Variants in MAN2A1 observed in about 807,000 individuals in gnomAD.
MAN2A1 encodes the protein alpha-mannosidase 2.
In MAN2A1, 76 loss-of-function variants were observed where a neutral mutation model predicts 142.6. The observed-to-expected ratio is 0.53, with a 90% CI of 0.44 to 0.65. The LOEUF (loss-of-function observed/expected upper bound fraction) is 0.65. Ranked by LOEUF, MAN2A1 falls within the 30% of genes least tolerant of loss-of-function variation. The pLI, the probability that MAN2A1 is intolerant of heterozygous loss-of-function variation, is 0.00. For synonymous variants in MAN2A1, 559 were observed against 473.2 expected (o/e 1.18, Z -2.35); for missense variants, 1,311 against 1,365.1 (o/e 0.96, Z 0.62).
chr5:109,721,423 A>G (rs1751599678), intron 3 of MAN2A1, among the ~76,000 whole-genome samples: 1 of 152,178 alleles, frequency 6.6e-6, no homozygotes, highest in South Asian at 2.1e-4. Context: ...TGAATTTTCA[A>G]TAACAATGAA....
At chr5:109,781,278 T>C in intron 8 of MAN2A1, 118 bp from the exon 9 acceptor site, 1 of 591,412 alleles carries the variant, frequency 1.7e-6, no homozygotes. Flanking sequence ...CTGAGCTATG[T>C]ATTCATCTTA....
chr5:109,765,886 C>T (rs56069320), intron 5 of MAN2A1, among the ~76,000 whole-genome samples: 15,201 of 152,014 alleles, frequency 0.1, 1,021 homozygotes, highest in African/African-American at 0.2. Flanking sequence ...TGCTTTATGA[C>T]GCAAGAATAT....
At chr5:109,816,006 A>T (rs1313171440) in intron 12 of MAN2A1, among the ~76,000 whole-genome samples, 1 of 152,242 alleles carries the variant, frequency 6.6e-6, no homozygotes, top group Non-Finnish European at 1.5e-5. Flanking sequence ...TTGATTATAA[A>T]TTATAAAATC....
intron 1 of MAN2A1, among the ~76,000 whole-genome samples, chr5:109,704,227 G>A (rs1232362887): frequency 6.6e-6 from 1 of 152,196 alleles, no homozygotes; most frequent in Non-Finnish European, 1.5e-5. Context: ...ACTCTTACCT[G>A]CATCTGAGCA....
intron 12 of MAN2A1, among the ~76,000 whole-genome samples, chr5:109,809,406 C>G (rs1377922665): frequency 1.3e-5 from 2 of 152,016 alleles, no homozygotes; most frequent in African/African-American, 4.8e-5. Flanking sequence ...TTCTTTCTGC[C>G]TGAAGACTTA....
chr5:109,832,990 A>T (rs1754960802), intron 16 of MAN2A1, among the ~76,000 whole-genome samples: 1 of 149,690 alleles, frequency 6.7e-6, no homozygotes. Context: ...CAGTTCCCAG[A>T]TGGGGTCACG....
At chr5:109,732,405 G>A (rs2112588871) in intron 4 of MAN2A1, among the ~76,000 whole-genome samples, 1 of 152,256 alleles carries the variant, frequency 6.6e-6, no homozygotes, top group South Asian at 2.1e-4. Flanking sequence ...TGTTTCCATT[G>A]CTTTTGGTGT....
chr5:109,757,772 A>G (rs948375070), intron 5 of MAN2A1, among the ~76,000 whole-genome samples: 1 of 152,128 alleles, frequency 6.6e-6, no homozygotes, highest in Non-Finnish European at 1.5e-5. Flanking sequence ...ACTATTCTGG[A>G]CATTTCACAT....
At chr5:109,716,345 C>A in intron 3 of MAN2A1, 81 bp downstream of exon 3, 1 of 1,140,100 alleles carries the variant, frequency 8.8e-7, no homozygotes, top group Non-Finnish European at 1.2e-6. Flanking sequence ...CTGGTAGAGG[C>A]CACTTCTCAA....
At chr5:109,735,132 T>G (rs1213864066) in intron 4 of MAN2A1, among the ~76,000 whole-genome samples, 2 of 152,182 alleles carry the variant, frequency 1.3e-5, no homozygotes, top group Non-Finnish European at 2.9e-5. Context: ...AGTAATGGCC[T>G]TCTTTGTCTC....
In MAN2A1 at chr5:109,717,479, T is replaced by C. The variant is rs1008428823; in HGVS notation, c.535+1215T>C. Among the ~76,000 whole-genome samples, 19 of 152,202 alleles carry C rather than the reference T, an allele frequency of 1.2e-4. 1 individual carries two copies. The highest frequency in any genetic ancestry group is 8.5e-4 in the Admixed American group (13 of 15,272). On this transcript the variant is annotated intron_variant, in intron 3 of 21. Coordinates refer to ENST00000261483, the MANE Select transcript of MAN2A1 (RefSeq NM_002372.4). ...ATATGAAATCAATATTCTGGAAATT[T>C]GTGATGAGCAGTTATTACACCTCAC...
chr5:109,791,068 C>T (rs1753725823), intron 12 of MAN2A1, among the ~76,000 whole-genome samples: 2 of 152,020 alleles, frequency 1.3e-5, no homozygotes, highest in South Asian at 2.1e-4. Flanking sequence ...TACAGGTAAA[C>T]ATAAATGGAA....
intron 4 of MAN2A1, among the ~76,000 whole-genome samples, chr5:109,754,264 A>G (rs1178112037): frequency 1.3e-5 from 2 of 152,040 alleles, no homozygotes; most frequent in East Asian, 1.9e-4. Context: ...CAAATTTTTA[A>G]TAGTTAATGA....
At chr5:109,741,963 G>T (rs1460462845) in intron 4 of MAN2A1, among the ~76,000 whole-genome samples, 1 of 152,124 alleles carries the variant, frequency 6.6e-6, no homozygotes, top group African/African-American at 2.4e-5. Context: ...AAAATGACTG[G>T]TGGTGTAATT....
At chr5:109,752,133 T>G (rs954661716) in intron 4 of MAN2A1, among the ~76,000 whole-genome samples, 1 of 152,152 alleles carries the variant, frequency 6.6e-6, no homozygotes, top group African/African-American at 2.4e-5. Flanking sequence ...AATCTTTTCA[T>G]CTATCTTCAG....
chr5:109,756,780 G>T (rs1313851890), intron 5 of MAN2A1, among the ~76,000 whole-genome samples: 1 of 152,194 alleles, frequency 6.6e-6, no homozygotes, highest in African/African-American at 2.4e-5. Flanking sequence ...GTTAGTGTCT[G>T]GGAACATGGA....
intron 15 of MAN2A1, among the ~76,000 whole-genome samples, chr5:109,822,406 T>C (rs1217731704): frequency 6.6e-6 from 1 of 152,122 alleles, no homozygotes; most frequent in Non-Finnish European, 1.5e-5. Flanking sequence ...CATTTTATCT[T>C]TAAATAGCTC....
chr5:109,719,687 T>C (rs1345990660), intron 3 of MAN2A1, among the ~76,000 whole-genome samples: 1 of 152,168 alleles, frequency 6.6e-6, no homozygotes, highest in Non-Finnish European at 1.5e-5. Context: ...ATATTTGAAA[T>C]AGATTTTTAA....
chr5:109,847,716 C>A lies in MAN2A1; in HGVS notation c.2902C>A (p.Gln968Lys), dbSNP rs758696148. The A allele has an allele frequency of 1.9e-6, 3 of 1,602,910 alleles. No homozygotes were observed. Among genetic ancestry groups the A allele is most frequent in the Non-Finnish European group, 2.6e-6 (3 of 1,174,876 alleles). Residue 968 changes from glutamine to lysine, a missense_variant, in exon 19 of 22, where the codon CAA (glutamine) becomes AAA (lysine). By Grantham distance (53) the Gln-to-Lys change is moderately conservative. Around this residue, in one of 3 missense-constraint regions of MAN2A1, gnomAD observed 890 missense variants for 920.5 expected, o/e 0.97. Coordinates refer to ENST00000261483, the MANE Select transcript of MAN2A1 (RefSeq NM_002372.4). ...GCAAGATGATAATCGTGGCCTTGAG[C>A]AAGGTATCCAGGATAACAAGATTAC... ...LMQDDNRGLE[Q>K]GIQDNKITAN...
Sources: allele counts gnomAD v4.1 joint callset (sites outside exome capture counted in the v4.1 genomes callset), GRCh38; gene constraint gnomAD v4.1.1; regional missense constraint gnomAD v4.1.1; transcripts MANE v1.5; gene names NCBI Gene and HGNC (gene_info 2026-07-23, HGNC 2026-07-21).